The following CSMD3 variants were observed in gnomAD, a reference collection of about 807,000 sequenced individuals.
CSMD3 encodes CUB and Sushi multiple domains 3.
In CSMD3, 177 loss-of-function variants were observed where a neutral mutation model predicts 435.2. That is an observed-to-expected ratio of 0.41 (90% CI 0.36 to 0.46). CSMD3 has a LOEUF of 0.46. CSMD3 is among the 20% of genes least tolerant of loss of function. The pLI, the probability that CSMD3 is intolerant of heterozygous loss-of-function variation, is 0.34. For missense variants in CSMD3, 4,265 were observed against 4,504.6 expected (o/e 0.95, Z 1.52); for synonymous variants, 1,656 against 1,520.5 (o/e 1.09, Z -2.07).
chr8:112,902,925 G>A (rs1240739358), intron 10 of CSMD3, among the ~76,000 whole-genome samples: 1 of 151,166 alleles, frequency 6.6e-6, no homozygotes, highest in African/African-American at 2.4e-5. Context: ...CACTTCTTCT[G>A]ACCCACAAAG....
chr8:112,337,801 A>G lies in CSMD3; in HGVS notation c.6653-70T>C, dbSNP rs1158130519. ...GAGGCCACAGATAGGGTACTACAGC[A>G]ATTTTGCAACTTAAAAATAGATGTG... On this transcript the variant is annotated intron_variant, in intron 42 of 70. Transcript: ENST00000297405. 4 of 1,190,738 alleles carry G rather than the reference A, an allele frequency of 3.4e-6. No individual in the cohort carries two copies. The African/African-American group carries it at 6.2e-5, about 18-fold the overall frequency. 73.8% of individuals were successfully genotyped at this position (1,190,738 alleles called of 1,614,324 possible).
chr8:113,258,987 C>T (rs1264987619), intron 3 of CSMD3, among the ~76,000 whole-genome samples: 1 of 152,008 alleles, frequency 6.6e-6, no homozygotes, highest in Non-Finnish European at 1.5e-5. Flanking sequence ...TGGATGTGAA[C>T]AATTAAACAC....
intron 38 of CSMD3, among the ~76,000 whole-genome samples, chr8:112,364,435 A>T (rs554694076): frequency 1.3e-5 from 2 of 152,148 alleles, no homozygotes; most frequent in African/African-American, 4.8e-5. Flanking sequence ...CCTTGAAACT[A>T]CCATTACTTC....
At chr8:112,737,525 G>A (rs563799811) in intron 13 of CSMD3, among the ~76,000 whole-genome samples, 1 of 151,896 alleles carries the variant, frequency 6.6e-6, no homozygotes, top group South Asian at 2.1e-4. Context: ...AAAAAGTACT[G>A]TGACTAGAGA....
chr8:113,283,308 T>A (rs189652868), intron 2 of CSMD3, among the ~76,000 whole-genome samples: 1 of 151,668 alleles, frequency 6.6e-6, no homozygotes, highest in African/African-American at 2.4e-5. Context: ...ACCCACAGAG[T>A]GTGAGAAAAT....
chr8:112,408,422 CA>C lies in CSMD3; in HGVS notation c.5510-10del. The C allele has an allele frequency of 6.7e-7, 1 of 1,494,194 alleles. No homozygotes were observed. The highest frequency in any genetic ancestry group is 9.3e-7 in the Non-Finnish European group (1 of 1,071,510). The allele number at this position is 1,494,194 out of a possible 1,614,324, so 92.6% of individuals were successfully genotyped here. ...CAGTGGAAGTGATTCTCCTACTCAA[CA>C]AAACAAACACTAAGATATCATAAAT... On this transcript the variant is annotated splice_polypyrimidine_tract_variant and intron_variant, in intron 33 of 70. Coordinates refer to ENST00000297405, the MANE Select transcript of CSMD3 (RefSeq NM_198123.2).
chr8:112,852,810 T>A, intron 11 of CSMD3, among the ~76,000 whole-genome samples: 1 of 151,864 alleles, frequency 6.6e-6, no homozygotes, highest in East Asian at 1.9e-4. Flanking sequence ...TAGTCCCAGC[T>A]ACTTGGTAGG....
At chr8:112,413,120 A>C (rs1811528943) in intron 32 of CSMD3, among the ~76,000 whole-genome samples, 1 of 152,178 alleles carries the variant, frequency 6.6e-6, no homozygotes, top group Non-Finnish European at 1.5e-5. Flanking sequence ...TGGAGAAATC[A>C]CTTAGAGGAA....
At chr8:112,977,599 A>AT (rs2084902296) in intron 6 of CSMD3, among the ~76,000 whole-genome samples, 1 of 152,016 alleles carries the variant, frequency 6.6e-6, no homozygotes, top group Admixed American at 6.6e-5. Flanking sequence ...AGAAAAGCCC[A>AT]TTTCTGCCCC....
At chr8:112,600,258 A>G (rs1338783001) in intron 22 of CSMD3, among the ~76,000 whole-genome samples, 1 of 152,184 alleles carries the variant, frequency 6.6e-6, no homozygotes, top group Admixed American at 6.5e-5. Context: ...ATGACAAGAA[A>G]TTCTACAGTA....
chr8:112,494,494 CCTTTCTTTCTTT>C (rs66517203), intron 30 of CSMD3, among the ~76,000 whole-genome samples: 1,716 of 39,964 alleles, frequency 0.043, 35 homozygotes, highest in Non-Finnish European at 0.055. Context: ...TTCTTTCTCT[CCTTTCTTTCTTT>C]CTTTCTTTCT....
At chr8:112,929,319 T>C (rs1202982047) in intron 9 of CSMD3, among the ~76,000 whole-genome samples, 1 of 151,024 alleles carries the variant, frequency 6.6e-6, no homozygotes, top group African/African-American at 2.4e-5. Context: ...ATGGCACATG[T>C]ATGCGTATGT....
rs140531832 is a variant in CSMD3, at chr8:112,904,253, C to A, written c.1633+17374G>T. Among the ~76,000 whole-genome samples the A allele has an allele frequency of 3.0e-3, 455 of 151,402 alleles. 1 individual carries two copies. The highest frequency in any genetic ancestry group is 6.8e-3 in the Middle Eastern group (2 of 294). On this transcript the variant is annotated intron_variant, in intron 10 of 70. Transcript: ENST00000297405. Reference sequence around the variant, plus strand: ...ATGGTTAATGATGATATATTGTATTCTTGGAAAATACTAAGACAGTGAATG... The same window carrying A: ...ATGGTTAATGATGATATATTGTATTATTGGAAAATACTAAGACAGTGAATG...
chr8:113,115,606 C>A (rs1035290824), intron 4 of CSMD3, among the ~76,000 whole-genome samples: 2 of 152,152 alleles, frequency 1.3e-5, no homozygotes, highest in Admixed American at 1.3e-4. Context: ...TGGCATTCAT[C>A]CATATTTTTG....
chr8:112,745,202 C>G (rs552038282), intron 13 of CSMD3, among the ~76,000 whole-genome samples: 4 of 151,938 alleles, frequency 2.6e-5, no homozygotes, highest in African/African-American at 9.7e-5. Context: ...AGTGTTTTCT[C>G]AAGAGTCCAG....
intron 16 of CSMD3, among the ~76,000 whole-genome samples, chr8:112,670,547 T>C (rs901881252): frequency 6.6e-6 from 1 of 152,078 alleles, no homozygotes; most frequent in Admixed American, 6.6e-5. Flanking sequence ...GATTATGAAA[T>C]AAGGCTGTAG....
In CSMD3 at chr8:112,545,501, AAATAATAAT is replaced by A. The variant is rs1157955064; in HGVS notation, c.4564+5161_4564+5169del. Among the ~76,000 whole-genome samples the A allele has an allele frequency of 6.4e-4, 79 of 122,604 alleles. 1 individual carries two copies. Among genetic ancestry groups the A allele is most frequent in the African/African-American group, 1.7e-3 (54 of 32,162 alleles). 80.4% of individuals were successfully genotyped at this position (122,604 alleles called of 152,430 possible). ...CCATCTCAAAAAAAAAAAAAAAAAA[AAATAATAAT>A]AATAATAATAATAATAAATGCTCTT... On this transcript the variant is annotated intron_variant, in intron 27 of 70. Coordinates refer to ENST00000297405, the MANE Select transcript of CSMD3 (RefSeq NM_198123.2).
chr8:112,230,058 C>T (rs904261553), intron 69 of CSMD3, among the ~76,000 whole-genome samples: 5 of 152,014 alleles, frequency 3.3e-5, no homozygotes, highest in African/African-American at 7.2e-5. Flanking sequence ...CAGTAAATGC[C>T]GATGGCATTC....
At chr8:112,917,111 T>C (rs2082596406) in intron 10 of CSMD3, among the ~76,000 whole-genome samples, 1 of 151,902 alleles carries the variant, frequency 6.6e-6, no homozygotes, top group Non-Finnish European at 1.5e-5. Flanking sequence ...CAGTAATGGA[T>C]GGGTAGACCA....
Sources: gnomAD v4.1 joint callset for allele counts (sites outside exome capture counted in the v4.1 genomes callset) on GRCh38, gnomAD v4.1.1 for gene constraint, MANE v1.5 for transcripts, NCBI Gene and HGNC (gene_info 2026-07-23, HGNC 2026-07-21) for gene names.